ADAMTS2: variants seen among roughly 807,000 people sequenced by gnomAD.
ADAMTS2 encodes ADAM metallopeptidase with thrombospondin type 1 motif 2, also known as A disintegrin and metalloproteinase with thrombospondin motifs 2.
A neutral mutation model predicts 123.0 loss-of-function variants in ADAMTS2; 50 were observed. The observed-to-expected ratio is 0.41, with a 90% CI of 0.32 to 0.51. The LOEUF is 0.51. ADAMTS2 is among the 20% of genes least tolerant of loss of function. ADAMTS2 has a pLI of 0.35. For missense variants in ADAMTS2, 1,494 were observed against 1,705.2 expected (o/e 0.88, Z 2.18); for synonymous variants, 678 against 695.4 (o/e 0.98, Z 0.39).
chr5:179,272,792 G>T lies in ADAMTS2; in HGVS notation c.688+119C>A. ...CCATTTCTGAGCCACTGAGACCGGG[G>T]CTCAGCCTCAGCAGCCAAGCTGGTC... On this transcript the variant is annotated intron_variant, in intron 3 of 21. Coordinates refer to ENST00000251582, the MANE Select transcript of ADAMTS2 (RefSeq NM_014244.5). This position sits in a 1 kb window ranked among gnomAD's most constrained non-coding sequence, Gnocchi z 5.8. 1 of 1,328,760 alleles carries T rather than the reference G, an allele frequency of 7.5e-7. No homozygotes were observed. Among genetic ancestry groups the T allele is most frequent in the Non-Finnish European group, 1.0e-6 (1 of 977,656 alleles). The allele number at this position is 1,328,760 out of a possible 1,614,324, so 82.3% of individuals were successfully genotyped here. A position where few individuals can be genotyped will look rare whatever the true frequency, so the allele number is the denominator to read the frequency against.
chr5:179,180,189 G>A lies in ADAMTS2; in HGVS notation c.975+883C>T, dbSNP rs567852386. ...AGGCACTTTGCAGTCTACACGGGCC[G>A]TACCGTGGGGCTCCTCTCTTCCTCT... On this transcript the variant is annotated intron_variant, in intron 5 of 21. Coordinates refer to ENST00000251582, the MANE Select transcript of ADAMTS2 (RefSeq NM_014244.5). This position sits in a 1 kb window ranked among gnomAD's most constrained non-coding sequence, Gnocchi z 4.6. 2.0e-5 allele frequency among the ~76,000 whole-genome samples: 3 copies of A among 152,186 alleles called. No individual in the cohort carries two copies. Among genetic ancestry groups the A allele is most frequent in the Non-Finnish European group, 2.9e-5 (2 of 68,038 alleles).
intron 2 of ADAMTS2, among the ~76,000 whole-genome samples, chr5:179,311,365 C>T (rs998850744): frequency 6.6e-6 from 1 of 152,228 alleles, no homozygotes; most frequent in Non-Finnish European, 1.5e-5. Context: ...CTCAGAGGCA[C>T]AGCAATGGGC....
intron 3 of ADAMTS2, among the ~76,000 whole-genome samples, chr5:179,239,340 A>AC (rs944363425): frequency 1.3e-5 from 2 of 152,140 alleles, no homozygotes; most frequent in African/African-American, 4.8e-5. Context: ...AGAGGGGTCA[A>AC]CCCTAACTGC....
intron 2 of ADAMTS2, 147 bp downstream of exon 2, chr5:179,343,620 T>C (rs769191445): frequency 2.5e-5 from 29 of 1,161,636 alleles, no homozygotes; most frequent in Non-Finnish European, 3.4e-5. Context: ...AGCCCTTCAG[T>C]TGGAGCACGA....
intron 10 of ADAMTS2, among the ~76,000 whole-genome samples, chr5:179,144,757 A>G (rs1195197783): frequency 6.6e-6 from 1 of 152,260 alleles, no homozygotes; most frequent in Non-Finnish European, 1.5e-5. Context: ...AAAATGGATC[A>G]CAGATGTCAA....
intron 2 of ADAMTS2, among the ~76,000 whole-genome samples, chr5:179,334,900 T>C (rs1757574282): frequency 6.6e-6 from 1 of 152,228 alleles, no homozygotes; most frequent in South Asian, 2.1e-4. Context: ...GTATATATAA[T>C]ACTTCATGGT....
At chr5:179,255,931 G>A (rs867139624) in intron 3 of ADAMTS2, among the ~76,000 whole-genome samples, 1 of 152,148 alleles carries the variant, frequency 6.6e-6, no homozygotes, top group Admixed American at 6.5e-5. Flanking sequence ...GATGCTGCTG[G>A]GCCTAGGAAC....
chr5:179,116,349 A>G (rs73806889), intron 21 of ADAMTS2, among the ~76,000 whole-genome samples: 2,306 of 143,770 alleles, frequency 0.016, 48 homozygotes, highest in African/African-American at 0.057. Context: ...CTTGCTCTGC[A>G]TGGAACTCCT....
At chr5:179,334,495 A>G (rs1278612629) in intron 2 of ADAMTS2, among the ~76,000 whole-genome samples, 1 of 152,256 alleles carries the variant, frequency 6.6e-6, no homozygotes, top group Non-Finnish European at 1.5e-5. Flanking sequence ...TTGCCTTCAC[A>G]TGAAATCCAT....
chr5:179,245,635 G>C (rs925193294), intron 3 of ADAMTS2, among the ~76,000 whole-genome samples: 3 of 149,654 alleles, frequency 2.0e-5, no homozygotes, highest in Admixed American at 6.6e-5. Flanking sequence ...GCGTGGTAGC[G>C]GGCGCCTGTA....
intron 2 of ADAMTS2, among the ~76,000 whole-genome samples, chr5:179,336,675 T>C (rs1757621897): frequency 6.6e-6 from 1 of 152,114 alleles, no homozygotes. Flanking sequence ...GGGCCTGGGG[T>C]AGGCGCTTGC....
intron 2 of ADAMTS2, among the ~76,000 whole-genome samples, chr5:179,293,911 C>T (rs946448400): frequency 5.3e-5 from 8 of 152,038 alleles, no homozygotes; most frequent in Non-Finnish European, 1.0e-4. Flanking sequence ...TGTGAGCCAC[C>T]GCACCTGGCC....
intron 3 of ADAMTS2, among the ~76,000 whole-genome samples, chr5:179,218,309 T>C (rs461898): frequency 0.5 from 76,243 of 152,104 alleles, 19,376 homozygotes; most frequent in South Asian, 0.61. Context: ...CATTTCTTAC[T>C]AACCAAGAGA....
In ADAMTS2 at chr5:179,125,122, C is replaced by A. The variant is rs775510542; in HGVS notation, c.2809G>T (p.Val937Leu). ...SQTCGRTGMQVRSVRCIQPLH... is the reference protein window; with the variant it reads ...SQTCGRTGMQLRSVRCIQPLH... ...GGCTGAATGCAGCGCACGGAGCGCA[C>A]CTGCATGCCTGTCCGCCCACAGGTC... The change falls in exon 19 of 22, where the codon GTG becomes TTG. Residue 937 changes from valine (V) to leucine (L), a missense_variant. Physicochemically the swap from Val to Leu is conservative, Grantham distance 32. Around this residue, in one of 6 missense-constraint regions of ADAMTS2, gnomAD observed 953 missense variants for 1,124.7 expected, o/e 0.85. Coordinates refer to ENST00000251582, the MANE Select transcript of ADAMTS2 (RefSeq NM_014244.5). The A allele has an allele frequency of 1.2e-6, 2 of 1,613,008 alleles. No individual in the cohort carries two copies. Among genetic ancestry groups the A allele is most frequent in the African/African-American group, 1.3e-5 (1 of 75,046 alleles).
At chr5:179,204,339 CTT>C in intron 4 of ADAMTS2, among the ~76,000 whole-genome samples, 1 of 152,324 alleles carries the variant, frequency 6.6e-6, no homozygotes, top group African/African-American at 2.4e-5. Context: ...AAGACGGTGA[CTT>C]ATGTTCTGTA....
chr5:179,253,393 C>T (rs1055042954), intron 3 of ADAMTS2, among the ~76,000 whole-genome samples: 2 of 152,162 alleles, frequency 1.3e-5, no homozygotes, highest in African/African-American at 4.8e-5. Context: ...CCTATAATCC[C>T]AGCACTTTGG....
intron 4 of ADAMTS2, among the ~76,000 whole-genome samples, chr5:179,201,001 G>A (rs939914752): frequency 5.3e-5 from 8 of 152,158 alleles, no homozygotes; most frequent in South Asian, 2.1e-4. Context: ...ACAAATACAC[G>A]TATATTTTTA....
intron 2 of ADAMTS2, among the ~76,000 whole-genome samples, chr5:179,322,154 G>C (rs377185665): frequency 2.0e-5 from 3 of 152,202 alleles, no homozygotes; most frequent in East Asian, 1.9e-4. Flanking sequence ...TCTGCATTCT[G>C]TTTTATATGA....
intron 2 of ADAMTS2, among the ~76,000 whole-genome samples, chr5:179,343,545 C>T (rs530267841): frequency 6.6e-6 from 1 of 152,370 alleles, no homozygotes; most frequent in East Asian, 1.9e-4. Context: ...TTTGGAGACC[C>T]GGGCGCTCCC....
Sources: gnomAD v4.1 joint callset for allele counts (sites outside exome capture counted in the v4.1 genomes callset) on GRCh38, gnomAD v4.1.1 for gene constraint, gnomAD v4.1.1 regional missense constraint, Gnocchi (gnomAD v3.1) non-coding constraint, MANE v1.5 for transcripts, NCBI Gene and HGNC (gene_info 2026-07-23, HGNC 2026-07-21) for gene names.